The following MAML3 variants were observed in gnomAD, a reference collection of about 807,000 sequenced individuals.
MAML3 encodes mastermind-like protein 3.
Under a neutral mutation model 101.9 loss-of-function variants are expected in MAML3, and 27 were observed. That is an observed-to-expected ratio of 0.27 (90% CI 0.20 to 0.37). MAML3 has a LOEUF of 0.37. Ranked by LOEUF, MAML3 falls within the 10% of genes least tolerant of loss-of-function variation. The pLI, the probability that MAML3 is intolerant of heterozygous loss-of-function variation, is 1.00. For synonymous variants in MAML3, 501 were observed against 555.9 expected (o/e 0.90, Z 1.39); for missense variants, 1,316 against 1,444.9 (o/e 0.91, Z 1.45).
At chr4:140,103,081 G>A (rs1430140685) in intron 1 of MAML3, among the ~76,000 whole-genome samples, 1 of 152,204 alleles carries the variant, frequency 6.6e-6, no homozygotes, top group Non-Finnish European at 1.5e-5. Context: ...TCTCAATGGT[G>A]AGGAAGGACC....
At chr4:139,978,220 C>T (rs1369370521) in intron 1 of MAML3, among the ~76,000 whole-genome samples, 1 of 152,294 alleles carries the variant, frequency 6.6e-6, no homozygotes, top group African/African-American at 2.4e-5. Context: ...ACCAAAGTCT[C>T]TCTCTTGATT....
At chr4:140,016,188 C>A (rs992089633) in intron 1 of MAML3, among the ~76,000 whole-genome samples, 8 of 152,124 alleles carry the variant, frequency 5.3e-5, no homozygotes, top group African/African-American at 1.9e-4. Context: ...GTACCATTTA[C>A]ACTTACTGAA....
chr4:139,813,746 C>A (rs1424128788), intron 2 of MAML3, among the ~76,000 whole-genome samples: 1 of 152,094 alleles, frequency 6.6e-6, no homozygotes, highest in Admixed American at 6.6e-5. Flanking sequence ...GCTCGGGGTG[C>A]CGGCTCTGCA....
At chr4:139,731,465 A>AAAAT (rs1728716170) in intron 2 of MAML3, 2 of 165,818 alleles carry the variant, frequency 1.2e-5, no homozygotes, top group East Asian at 1.7e-4. Flanking sequence ...AAAAAAAAAA[A>AAAAT]AAATTAGCCA....
chr4:139,909,892 C>G (rs919158732), intron 1 of MAML3, among the ~76,000 whole-genome samples: 1 of 139,766 alleles, frequency 7.2e-6, no homozygotes, highest in African/African-American at 2.6e-5. Flanking sequence ...TCCAGCCATA[C>G]ACATGAGTCT....
At chr4:139,861,445 G>A (rs1731782015) in intron 2 of MAML3, among the ~76,000 whole-genome samples, 1 of 148,346 alleles carries the variant, frequency 6.7e-6, no homozygotes, top group African/African-American at 2.5e-5. Context: ...TCTGTGTAAG[G>A]GTACTAAGAT....
intron 1 of MAML3, among the ~76,000 whole-genome samples, chr4:140,056,977 GCAA>G (rs779706885): frequency 2.6e-5 from 4 of 152,114 alleles, no homozygotes; most frequent in African/African-American, 4.8e-5. Flanking sequence ...CCATTCTGGG[GCAA>G]CAACAACAAC....
intron 1 of MAML3, among the ~76,000 whole-genome samples, chr4:140,068,020 C>A (rs937678625): frequency 1.3e-5 from 2 of 152,114 alleles, no homozygotes; most frequent in African/African-American, 4.8e-5. Flanking sequence ...CGTGAGCCAC[C>A]GCACCTGGCA....
Position 139,875,420 on chromosome 4 carries a change from C to T in MAML3, c.2079+13937G>A, listed in dbSNP as rs141924540. On this transcript the variant is annotated intron_variant, in intron 2 of 4. Coordinates refer to ENST00000509479, the MANE Select transcript of MAML3 (RefSeq NM_018717.5). ...TATTCACCAGTTTCTCTCACTAGAC[C>T]GCCAATTTAACACTCTGCCAACTGT... Among the ~76,000 whole-genome samples the T allele has an allele frequency of 9.3e-3, 1,422 of 152,214 alleles. 82 individuals are homozygous for T. Among genetic ancestry groups the T allele is most frequent in the Admixed American group, 0.087 (1,336 of 15,286 alleles).
intron 1 of MAML3, among the ~76,000 whole-genome samples, chr4:140,075,417 T>C (rs1727749030): frequency 6.6e-6 from 1 of 152,254 alleles, no homozygotes; most frequent in South Asian, 2.1e-4. Context: ...AAAATCTAGA[T>C]GTTTAGCAAT....
At chr4:139,772,200 A>G (rs1351490677) in intron 2 of MAML3, among the ~76,000 whole-genome samples, 1 of 114,874 alleles carries the variant, frequency 8.7e-6, no homozygotes, top group South Asian at 3.3e-4. Flanking sequence ...AGATCGCGCC[A>G]CTGCACTCCA....
chr4:139,904,688 A>C (rs1160123342), intron 1 of MAML3, among the ~76,000 whole-genome samples: 1 of 152,228 alleles, frequency 6.6e-6, no homozygotes, highest in African/African-American at 2.4e-5. Context: ...CATGGTTTTA[A>C]GTGAAAACTT....
chr4:139,970,294 G>A (rs1012548508), intron 1 of MAML3, among the ~76,000 whole-genome samples: 1 of 152,168 alleles, frequency 6.6e-6, no homozygotes, highest in African/African-American at 2.4e-5. Context: ...AGGTGGAGAA[G>A]ATGAGCAAGA....
At chr4:140,023,237 G>A (rs1726759719) in intron 1 of MAML3, among the ~76,000 whole-genome samples, 1 of 152,168 alleles carries the variant, frequency 6.6e-6, no homozygotes, top group Non-Finnish European at 1.5e-5. Context: ...TAGAGAAGTT[G>A]CCCAGCTTCC....
chr4:140,086,502 T>G (rs1363771599), intron 1 of MAML3, among the ~76,000 whole-genome samples: 1 of 152,220 alleles, frequency 6.6e-6, no homozygotes, highest in Non-Finnish European at 1.5e-5. Flanking sequence ...ATGAAGAAAT[T>G]TCAATCATTC....
rs113049669 is a variant in MAML3, at chr4:139,955,826, A to G, written c.469-64859T>C. On this transcript the variant is annotated intron_variant, in intron 1 of 4. Transcript: ENST00000509479. ...GAAAGAGCTGCTGTGAGTTCTCTGT[A>G]TTCCCTTACCAGGCTGCACCAAACA... 3.7e-3 allele frequency among the ~76,000 whole-genome samples: 558 copies of G among 152,280 alleles called. 3 individuals carry two copies. The highest frequency in any genetic ancestry group is 0.011 in the African/African-American group (469 of 41,566).
At chr4:140,085,934 G>T (rs748663796) in intron 1 of MAML3, among the ~76,000 whole-genome samples, 22 of 152,118 alleles carry the variant, frequency 1.4e-4, no homozygotes, top group Non-Finnish European at 2.9e-4. Context: ...ATTTTTGCCA[G>T]TGGAAAATTT....
intron 1 of MAML3, among the ~76,000 whole-genome samples, chr4:139,975,880 G>A (rs994354564): frequency 2.0e-5 from 3 of 152,162 alleles, no homozygotes; most frequent in African/African-American, 7.2e-5. Flanking sequence ...AACTATCTCA[G>A]TGTTCAGGCC....
rs1381792424 is a variant in MAML3 at position 139,785,625 on chromosome 4, G to GCA, written c.2080-54960_2080-54959dup. On this transcript the variant is annotated intron_variant, in intron 2 of 4. Coordinates refer to ENST00000509479, the MANE Select transcript of MAML3 (RefSeq NM_018717.5). This position sits in a 1 kb window ranked among gnomAD's most constrained non-coding sequence, Gnocchi z 4.3. ...ACAATATGGCTCCCCAGCGCCTGGG[G>GCA]CACTGCATGGAGAGATCTGTCCCTT... Among the ~76,000 whole-genome samples, 1 of 152,158 alleles carries GCA rather than the reference G, an allele frequency of 6.6e-6. No individual in the cohort carries two copies. The highest frequency in any genetic ancestry group is 2.4e-5 in the African/African-American group (1 of 41,440).
Sources: gnomAD v4.1 joint callset for allele counts (sites outside exome capture counted in the v4.1 genomes callset) on GRCh38, gnomAD v4.1.1 for gene constraint, Gnocchi (gnomAD v3.1) non-coding constraint, MANE v1.5 for transcripts, NCBI Gene and HGNC (gene_info 2026-07-23, HGNC 2026-07-21) for gene names.